CDK5RAP2: variants seen among roughly 807,000 people sequenced by gnomAD.
The protein encoded by CDK5RAP2 is CDK5 regulatory subunit-associated protein 2.
Under a neutral mutation model 232.9 loss-of-function variants are expected in CDK5RAP2, and 147 were observed. The observed-to-expected ratio is 0.63, with a 90% confidence interval of 0.55 to 0.72. The LOEUF is 0.72. Ranked by LOEUF, CDK5RAP2 falls within the 30% of genes least tolerant of loss-of-function variation. The pLI is 0.00. For missense variants in CDK5RAP2, 2,195 were observed against 2,231.5 expected (o/e 0.98, Z 0.33); for synonymous variants, 833 against 833.7 (o/e 1.00, Z 0.01).
rs768783783 is a variant in CDK5RAP2, at chr9:120,407,244, C to A, written c.4731G>T (p.Ala1577=). 4 of 1,610,740 alleles carry A rather than the reference C, an allele frequency of 2.5e-6. No individual in the cohort carries two copies. Among genetic ancestry groups the A allele is most frequent in the Non-Finnish European group, 2.5e-6 (3 of 1,178,686 alleles). The change falls in exon 32 of 38, where the codon GCG becomes GCT. Residue 1577 remains alanine (A), a synonymous_variant. Transcript: ENST00000349780. The part of the protein sequence containing the change: ...LDEEHRRLRE[A]SGEGWKGQDP... ...CCTGCCCCTTCCAGCCTTCTCCCGACGCCTCTGAGGACATGTGCAAAGAGA... is the reference window on the plus strand; with the variant it reads ...CCTGCCCCTTCCAGCCTTCTCCCGAAGCCTCTGAGGACATGTGCAAAGAGA...
intron 7 of CDK5RAP2, among the ~76,000 whole-genome samples, chr9:120,534,148 A>T (rs190395707): frequency 6.6e-6 from 1 of 151,868 alleles, no homozygotes; most frequent in Non-Finnish European, 1.5e-5. Context: ...TTAGGATAAA[A>T]CTCAAATTCT....
intron 12 of CDK5RAP2, among the ~76,000 whole-genome samples, chr9:120,515,277 A>G (rs1240138337): frequency 6.6e-6 from 1 of 152,162 alleles, no homozygotes; most frequent in East Asian, 1.9e-4. Flanking sequence ...TCTTTACCTC[A>G]TCTATATAAA....
At chr9:120,579,889 G>T in intron 1 of CDK5RAP2, 31 bp downstream of exon 1, 1 of 1,595,334 alleles carries the variant, frequency 6.3e-7, no homozygotes, top group Non-Finnish European at 8.6e-7. Flanking sequence ...CCCCGGCCCG[G>T]TTACCACGAC....
intron 1 of CDK5RAP2, among the ~76,000 whole-genome samples, chr9:120,578,534 C>T (rs919668740): frequency 6.6e-6 from 1 of 150,510 alleles, no homozygotes; most frequent in African/African-American, 2.4e-5. Flanking sequence ...TTTATGTCTG[C>T]TGCCCGGGCA....
intron 18 of CDK5RAP2, among the ~76,000 whole-genome samples, chr9:120,461,128 T>A (rs1263673447): frequency 6.6e-6 from 1 of 152,242 alleles, no homozygotes; most frequent in Non-Finnish European, 1.5e-5. Flanking sequence ...AATTTATGCA[T>A]CACTTCTATT....
chr9:120,436,737 C>G (rs2035603666), intron 25 of CDK5RAP2, among the ~76,000 whole-genome samples: 1 of 151,952 alleles, frequency 6.6e-6, no homozygotes, highest in Non-Finnish European at 1.5e-5. Context: ...GCTGGGTGCA[C>G]AGTAAATGGG....
intron 1 of CDK5RAP2, among the ~76,000 whole-genome samples, chr9:120,578,221 C>G (rs2043108011): frequency 6.6e-6 from 1 of 152,228 alleles, no homozygotes; most frequent in East Asian, 1.9e-4. Context: ...GAGCCGAGAT[C>G]GCGCCACTGC....
intron 3 of CDK5RAP2, 64 bp from the exon 4 acceptor site, chr9:120,550,966 C>T: frequency 1.1e-6 from 1 of 917,592 alleles, no homozygotes; most frequent in Admixed American, 1.7e-5. Context: ...ACAGATAGTA[C>T]ATACATTAGT....
At chr9:120,416,299 T>C (rs2034213874) in intron 27 of CDK5RAP2, among the ~76,000 whole-genome samples, 1 of 152,146 alleles carries the variant, frequency 6.6e-6, no homozygotes. Context: ...TGACTAAAAA[T>C]TCGGTTCCCT....
intron 32 of CDK5RAP2, among the ~76,000 whole-genome samples, chr9:120,404,580 A>G (rs1045735907): frequency 6.6e-6 from 1 of 152,234 alleles, no homozygotes; most frequent in African/African-American, 2.4e-5. Flanking sequence ...ATCATCGCTC[A>G]GGGAGAAATA....
chr9:120,501,345 A>C (rs1293924331), intron 12 of CDK5RAP2, among the ~76,000 whole-genome samples: 1 of 152,142 alleles, frequency 6.6e-6, no homozygotes, highest in East Asian at 1.9e-4. Flanking sequence ...CTTACTCTCC[A>C]TATTCCTTCC....
intron 3 of CDK5RAP2, among the ~76,000 whole-genome samples, chr9:120,567,358 C>T (rs1442958241): frequency 1.3e-5 from 2 of 152,194 alleles, no homozygotes; most frequent in Non-Finnish European, 2.9e-5. Context: ...GACAGCACTG[C>T]TCTGTTCTGT....
At chr9:120,566,052 G>T (rs1266849467) in intron 3 of CDK5RAP2, among the ~76,000 whole-genome samples, 1 of 152,196 alleles carries the variant, frequency 6.6e-6, no homozygotes, top group Non-Finnish European at 1.5e-5. Flanking sequence ...TGATGGTTAG[G>T]TATCAATCAT....
chr9:120,520,700 C>T (rs10760098), intron 11 of CDK5RAP2, among the ~76,000 whole-genome samples: 146,817 of 151,822 alleles, frequency 0.97, 71,163 homozygotes, highest in East Asian at 1. Context: ...ATATATCACA[C>T]GATACATCTC....
rs886063396 is a variant in CDK5RAP2, at chr9:120,460,625, C to T, written c.2149G>A (p.Glu717Lys). ...CTCAGGAAATTAATCTCGTCATCCT[C>T]CCCAATTTTGATCGTGTCCTCGTCC... ...KEDEDTIKIG[E>K]DDEINFLSDQ... is the part of the protein sequence containing the mutation. Residue 717 changes from glutamate to lysine, a missense_variant, in exon 19 of 38, where the codon GAG becomes AAG. Physicochemically the swap from Glu to Lys is moderately conservative, Grantham distance 56. Transcript: ENST00000349780. 5 of 1,614,052 alleles carry T rather than the reference C, an allele frequency of 3.1e-6. No homozygotes were observed. The African/African-American group carries it at 4.0e-5, about 13-fold the overall frequency.
At chr9:120,408,529 A>C (rs1467149891) in intron 30 of CDK5RAP2, 61 bp from the exon 31 acceptor site, 2 of 1,600,990 alleles carry the variant, frequency 1.2e-6, no homozygotes, top group Non-Finnish European at 1.7e-6. Context: ...TAACTTATTC[A>C]AACCCCACAG....
intron 31 of CDK5RAP2, chr9:120,408,054 GATAGGT>G (rs1334836148): frequency 2.3e-6 from 1 of 439,098 alleles, no homozygotes; most frequent in Non-Finnish European, 4.3e-6. Flanking sequence ...GTTTTACAGA[GATAGGT>G]ATGGGCTCAA....
At chr9:120,462,209 C>T (rs150608181) in intron 18 of CDK5RAP2, among the ~76,000 whole-genome samples, 26 of 152,242 alleles carry the variant, frequency 1.7e-4, no homozygotes, top group East Asian at 1.5e-3. Context: ...ACAGACTAGA[C>T]GTGCATAAAT....
At chr9:120,406,325 T>G (rs2033433909) in intron 32 of CDK5RAP2, 1 of 152,680 alleles carries the variant, frequency 6.5e-6, no homozygotes, top group Non-Finnish European at 1.5e-5. Flanking sequence ...GGAACAGCCC[T>G]GGACTCGAAG....
Sources: gnomAD v4.1 joint callset for allele counts (sites outside exome capture counted in the v4.1 genomes callset) on GRCh38, gnomAD v4.1.1 for gene constraint, MANE v1.5 for transcripts, NCBI Gene and HGNC (gene_info 2026-07-23, HGNC 2026-07-21) for gene names.